ZC3H12B: variants seen among roughly 807,000 people sequenced by gnomAD.
ZC3H12B encodes probable ribonuclease ZC3H12B.
In ZC3H12B, 7 loss-of-function variants were observed where a neutral mutation model predicts 43.9. The ratio of observed to expected loss-of-function variants is 0.16; its 90% CI spans 0.09 to 0.30. ZC3H12B has a LOEUF of 0.30. Among genes scored for constraint, ZC3H12B ranks in the 10% least tolerant of loss-of-function variants. ZC3H12B has a pLI of 1.00. For missense variants in ZC3H12B, 475 were observed against 670.2 expected (o/e 0.71, Z 3.22); for synonymous variants, 222 against 241.7 (o/e 0.92, Z 0.76).
At chrX:65,355,026 G>A in the ZC3H12B span, among the ~76,000 whole-genome samples, 1 of 111,772 alleles carries the variant, frequency 8.9e-6, no homozygotes, top group Non-Finnish European at 1.9e-5. Context: ...GAACCAAGTT[G>A]GAAAACACTC....
chrX:65,191,897 T>C, the ZC3H12B span, among the ~76,000 whole-genome samples: 2 of 103,247 alleles, frequency 1.9e-5, no homozygotes, highest in African/African-American at 3.6e-5. Context: ...GATGTTAGGG[T>C]GTCAATTTTG....
the ZC3H12B span, chrX:65,186,564 G>A: frequency 9.4e-6 from 1 of 106,853 alleles, no homozygotes; most frequent in East Asian, 2.9e-4. Context: ...ACGTTTTTGT[G>A]GAACAGGTGG....
chrX:65,211,986 T>C, the ZC3H12B span, among the ~76,000 whole-genome samples: 9 of 69,198 alleles, frequency 1.3e-4, no homozygotes, highest in Non-Finnish European at 1.9e-4. Context: ...CTATATAATA[T>C]ATAATATATG....
At chrX:65,306,441 C>T in the ZC3H12B span, among the ~76,000 whole-genome samples, 2 of 109,974 alleles carry the variant, frequency 1.8e-5, no homozygotes, top group East Asian at 2.9e-4. Context: ...GGTGTGATCT[C>T]GGCTCACTAC....
chrX:65,275,167 G>A, the ZC3H12B span, among the ~76,000 whole-genome samples: 1 of 112,817 alleles, frequency 8.9e-6, no homozygotes, highest in Admixed American at 9.3e-5. Flanking sequence ...GTGCAACTGT[G>A]TCATGGGTCT....
At chrX:65,370,419 T>C (rs2066229336) in intron 2 of ZC3H12B, among the ~76,000 whole-genome samples, 1 of 111,941 alleles carries the variant, frequency 8.9e-6, no homozygotes, top group Non-Finnish European at 1.9e-5. Context: ...CCTTACCTCA[T>C]ATATTTGTTG....
At chrX:65,171,747 G>A in the ZC3H12B span, among the ~76,000 whole-genome samples, 9 of 110,649 alleles carry the variant, frequency 8.1e-5, no homozygotes, top group African/African-American at 2.6e-4. Context: ...AATGGTGGAC[G>A]CCCCTCCCCC....
chrX:65,135,003 A>G, the ZC3H12B span, among the ~76,000 whole-genome samples: 4 of 110,890 alleles, frequency 3.6e-5, no homozygotes, highest in Non-Finnish European at 7.6e-5. Context: ...AGCCATTTTT[A>G]CTTCTTTTGT....
intron 1 of ZC3H12B, among the ~76,000 whole-genome samples, chrX:65,495,545 A>G: frequency 8.9e-6 from 1 of 112,245 alleles, no homozygotes; most frequent in East Asian, 2.8e-4. Flanking sequence ...GTCTTAACAG[A>G]CAATAGCCAC....
chrX:65,196,823 A>T, the ZC3H12B span, among the ~76,000 whole-genome samples: 1 of 111,586 alleles, frequency 9.0e-6, no homozygotes. Flanking sequence ...CGGAGGTTTT[A>T]CCGGAGCCTC....
chrX:65,063,633 C>A, the ZC3H12B span, among the ~76,000 whole-genome samples: 1 of 111,259 alleles, frequency 9.0e-6, no homozygotes, highest in African/African-American at 3.3e-5. Context: ...TTTTTTGTTT[C>A]TCTGCCAGGT....
chrX:65,339,377 G>A, the ZC3H12B span, among the ~76,000 whole-genome samples: 7 of 111,870 alleles, frequency 6.3e-5, no homozygotes, highest in South Asian at 3.7e-4. Flanking sequence ...GAAAAAGCAA[G>A]TTGCTCTCAC....
intron 2 of ZC3H12B, among the ~76,000 whole-genome samples, chrX:65,372,717 G>T (rs1399654961): frequency 8.9e-6 from 1 of 111,850 alleles, no homozygotes; most frequent in Non-Finnish European, 1.9e-5. Flanking sequence ...GAGAGGTAAG[G>T]ATTGTTATCC....
chrX:65,376,443 A>G (rs1158936312), intron 2 of ZC3H12B, among the ~76,000 whole-genome samples: 1 of 111,089 alleles, frequency 9.0e-6, no homozygotes, highest in East Asian at 2.8e-4. Context: ...GTAGCCAGAG[A>G]GTGGTTACAA....
the ZC3H12B span, among the ~76,000 whole-genome samples, chrX:65,040,988 G>A: frequency 7.7e-4 from 86 of 111,796 alleles, no homozygotes; most frequent in Non-Finnish European, 1.3e-3. Flanking sequence ...ATGTTGCCTA[G>A]GCCAGTTTTG....
intron 2 of ZC3H12B, among the ~76,000 whole-genome samples, chrX:65,381,117 C>T (rs78742824): frequency 9.0e-6 from 1 of 111,472 alleles, no homozygotes; most frequent in African/African-American, 3.3e-5. Context: ...TAGACATCTA[C>T]AGAACTCTCC....
chrX:65,059,462 C>T, the ZC3H12B span, among the ~76,000 whole-genome samples: 2 of 110,964 alleles, frequency 1.8e-5, no homozygotes, highest in Admixed American at 9.6e-5. Context: ...TTCCCAGCAC[C>T]GTTTATGGAA....
chrX:65,398,651 A>G lies in ZC3H12B; in HGVS notation n.354A>G, dbSNP rs2066729174. ...TGCTTTCCAGTCACCTTCCACCATG[A>G]CTGTAAGTTTTCTGAGGCTGCCCAG... On this transcript the variant is annotated non_coding_transcript_exon_variant, in exon 3 of 6. An upstream open reading frame in the 5' UTR loses its in-frame stop. Coordinates refer to the ZC3H12B transcript ENST00000617377. The G allele has an allele frequency of 8.9e-6, 1 of 112,069 alleles. No individual in the cohort carries two copies. Among genetic ancestry groups the G allele is most frequent in the African/African-American group, 3.2e-5 (1 of 30,840 alleles). The allele number at this position is 112,069 out of a possible 1,213,427, so 9.2% of individuals were successfully genotyped here.
the ZC3H12B span, among the ~76,000 whole-genome samples, chrX:65,091,243 A>T: frequency 1.8e-5 from 2 of 111,939 alleles, no homozygotes; most frequent in Non-Finnish European, 3.8e-5. Context: ...TATGATACTG[A>T]TGGCTTTGAA....
Sources: allele counts gnomAD v4.1 joint callset (sites outside exome capture counted in the v4.1 genomes callset), GRCh38; gene constraint gnomAD v4.1.1; transcripts MANE v1.5; gene names NCBI Gene and HGNC (gene_info 2026-07-23, HGNC 2026-07-21).